The following NBPF14 variants were observed in gnomAD, a reference collection of about 807,000 sequenced individuals.
NBPF14 encodes NBPF family member NBPF14.
Under a neutral mutation model 91.2 loss-of-function variants are expected in NBPF14, and 104 were observed. That is an observed-to-expected ratio of 1.14 (90% CI 0.97 to 1.34). The LOEUF (loss-of-function observed/expected upper bound fraction) is 1.34. Among genes scored for constraint, NBPF14 ranks in the 40% most tolerant of loss-of-function variants. The pLI is 0.00. For missense variants in NBPF14, 908 were observed against 783.0 expected, an observed-to-expected ratio of 1.16 and a Z score of -1.91; for synonymous variants, 294 against 303.8, an observed-to-expected ratio of 0.97 and a Z score of 0.34.
At chr1:148,559,353 A>G (rs1445674981) in intron 37 of NBPF14, among the ~76,000 whole-genome samples, 1 of 129,698 alleles carries the variant, frequency 7.7e-6, no homozygotes, top group Non-Finnish European at 1.5e-5. Context: ...TTTCCAATCG[A>G]TTTAAAGCAA....
chr1:148,533,470 CAG>C, intron 70 of NBPF14, among the ~76,000 whole-genome samples: 1 of 151,338 alleles, frequency 6.6e-6, no homozygotes, highest in East Asian at 1.9e-4. Flanking sequence ...GAGACAGAGA[CAG>C]AGAGAAAGTG....
chr1:148,577,677 A>G lies in NBPF14; in HGVS notation c.1853+306T>C, dbSNP rs1380306378. ...TTTGTGCTCTCAGGACACACAGTGA[A>G]CAGTGATCATGAAAAGCATGTCCTC... On this transcript the variant is annotated intron_variant, in intron 14 of 70. Coordinates refer to ENST00000619423, the Ensembl canonical transcript of NBPF14. Among the ~76,000 whole-genome samples, 54 of 148,400 alleles carry G rather than the reference A, an allele frequency of 3.6e-4. 3 individuals are homozygous for G. In the East Asian group the frequency reaches 6.3e-3, roughly 17 times the overall value.
Position 148,534,834 on chromosome 1 carries a change from C to G in NBPF14, c.8464G>C (p.Glu2822Gln), listed in dbSNP as rs1352764137. 8 of 1,086,862 alleles carry G rather than the reference C, an allele frequency of 7.4e-6. 1 individual carries two copies. Among genetic ancestry groups the G allele is most frequent in the Admixed American group, 5.2e-5 (3 of 57,768 alleles). The allele number at this position is 1,086,862 out of a possible 1,614,324, so 67.3% of individuals were successfully genotyped here. The change falls in exon 69 of 71, where the codon GAG becomes CAG. Residue 2822 changes from glutamate to glutamine, a missense_variant. Glu to Gln is a conservative substitution (Grantham distance 29, BLOSUM62 2). Around this residue, in one of 13 missense-constraint regions of NBPF14, gnomAD observed 279 missense variants for 107.7 expected, o/e 2.59. Coordinates refer to ENST00000619423, the Ensembl canonical transcript of NBPF14. ...TCCTGCAAGACTTCAGGATCTTTCT[C>G]ATCCAGCAGCTCCCTGCTGAGCCTG...
At chr1:148,534,560 C>G (rs1475964045) in intron 69 of NBPF14, 124 bp downstream of exon 69, 4 of 739,222 alleles carry the variant, frequency 5.4e-6, no homozygotes, top group South Asian at 2.8e-5. Flanking sequence ...AACCTATATG[C>G]GCCCATAGGT....
At chr1:148,539,267 T>A (rs1213557108) in intron 63 of NBPF14, 143 bp downstream of exon 63, 3 of 623,838 alleles carry the variant, frequency 4.8e-6, no homozygotes, top group Non-Finnish European at 8.5e-6. Flanking sequence ...GAGACTACAG[T>A]TTCTTTACAA....
chr1:148,594,956 A>G (rs1190458509), intron 2 of NBPF14, among the ~76,000 whole-genome samples: 1 of 122,066 alleles, frequency 8.2e-6, no homozygotes, highest in African/African-American at 3.6e-5. Flanking sequence ...TCAGCCTCCC[A>G]AAGTGCTGAG....
At position 148,587,076 on chromosome 1, in the gene NBPF14, A is replaced by C. The variant is rs1174172606; in HGVS notation, c.1091+225T>G. On this transcript the variant is annotated intron_variant, in intron 8 of 70. Coordinates refer to ENST00000619423, the Ensembl canonical transcript of NBPF14. ...TTGTGTTATGTAAATTTCACATCAAAAATTACTTGTTTGAAAAAGAGAAAA... is the reference window on the plus strand; with the variant it reads ...TTGTGTTATGTAAATTTCACATCAACAATTACTTGTTTGAAAAAGAGAAAA... Among the ~76,000 whole-genome samples, 261 of 148,018 alleles carry C rather than the reference A, an allele frequency of 1.8e-3. 7 individuals are homozygous for C. Among genetic ancestry groups the C allele is most frequent in the African/African-American group, 4.3e-3 (175 of 40,794 alleles).
intron 17 of NBPF14, 139 bp downstream of exon 17, chr1:148,575,500 A>T: frequency 1.8e-5 from 1 of 54,718 alleles, no homozygotes; most frequent in South Asian, 1.2e-4. Flanking sequence ...CTACAGTTTC[A>T]TTACAACCTA....
In NBPF14 at chr1:148,590,251, G is replaced by T. The variant is rs1458560116; in HGVS notation, c.778+506C>A. ...TTTTTGTATTTTTAGTAAAGATGGG[G>T]TTTCACCGTGTTAGCCAGGATGGTC... On this transcript the variant is annotated intron_variant, in intron 6 of 70. Transcript: ENST00000619423. Among the ~76,000 whole-genome samples the T allele has an allele frequency of 2.9e-5, 4 of 139,698 alleles. No homozygotes were observed. The East Asian group carries it at 6.0e-4, about 21-fold the overall frequency. The allele number at this position is 139,698 out of a possible 152,430, so 91.6% of individuals were successfully genotyped here.
At chr1:148,578,854 T>C (rs1490676289) in intron 13 of NBPF14, among the ~76,000 whole-genome samples, 1,749 of 133,640 alleles carry the variant, frequency 0.013, 13 homozygotes, top group Non-Finnish European at 0.016. Context: ...CAGGTTGGCA[T>C]GGGCATGGCC....
chr1:148,587,217 A>T (rs1661691013), intron 8 of NBPF14, 84 bp downstream of exon 8: 1 of 1,201,476 alleles, frequency 8.3e-7, no homozygotes, highest in East Asian at 2.3e-5. Flanking sequence ...GGCCCAGCTG[A>T]GCTCTTACGT....
chr1:148,575,757 C>T (rs1659581112), exon 17 of NBPF14: 1 of 286,996 alleles, frequency 3.5e-6, no homozygotes, highest in Admixed American at 6.5e-5. Flanking sequence ...AACATCTATC[C>T]AGTGAGTCCT....
intron 6 of NBPF14, among the ~76,000 whole-genome samples, chr1:148,589,863 T>C (rs1662162033): frequency 6.8e-6 from 1 of 147,470 alleles, no homozygotes; most frequent in Non-Finnish European, 1.5e-5. Flanking sequence ...CTGCCAAGCA[T>C]CTGGGATTAC....
chr1:148,559,345 T>C (rs1657183158), intron 37 of NBPF14, among the ~76,000 whole-genome samples: 1 of 128,732 alleles, frequency 7.8e-6, no homozygotes, highest in African/African-American at 3.9e-5. Context: ...GCCATATTTT[T>C]CCAATCGATT....
Position 148,533,989 on chromosome 1 carries a change from G to A in NBPF14, c.8615-20C>T, listed in dbSNP as rs1553331930. ...CAATTTCTGCAATAAATTCAGACAT[G>A]GACAGACACATTAAGCTGATTCCCC... On this transcript the variant is annotated intron_variant, in intron 69 of 70. Transcript: ENST00000619423. 3 of 696,428 alleles carry A rather than the reference G, an allele frequency of 4.3e-6. No individual in the cohort carries two copies. The highest frequency in any genetic ancestry group is 2.6e-5 in the East Asian group (1 of 37,894). The allele number at this position is 696,428 out of a possible 1,614,324, so 43.1% of individuals were successfully genotyped here.
rs1340894041 is a variant in NBPF14 at position 148,572,355 on chromosome 1, G to C, written c.2758+88C>G. 9.5e-6 allele frequency: 3 copies of C among 316,726 alleles called. No individual in the cohort carries two copies. In the East Asian group the frequency reaches 1.6e-4, roughly 17 times the overall value. The allele number at this position is 316,726 out of a possible 1,614,324, so 19.6% of individuals were successfully genotyped here. On this transcript the variant is annotated intron_variant, in intron 21 of 70. Coordinates refer to ENST00000619423, the Ensembl canonical transcript of NBPF14. ...CCTGCCTGCGGCAATGACGTCTCTCGGGTCAGTAAGGGGCACTTGGAACAG... is the reference window on the plus strand; with the variant it reads ...CCTGCCTGCGGCAATGACGTCTCTCCGGTCAGTAAGGGGCACTTGGAACAG...
chr1:148,535,162 C>T (rs1165136500), intron 68 of NBPF14, among the ~76,000 whole-genome samples: 1 of 149,388 alleles, frequency 6.7e-6, no homozygotes, highest in African/African-American at 2.5e-5. Context: ...ACACAGCGAA[C>T]AGTGATCATG....
intron 16 of NBPF14, 32 bp from the exon 17 acceptor site, chr1:148,575,843 C>T: frequency 3.2e-6 from 1 of 313,930 alleles, no homozygotes; most frequent in South Asian, 2.3e-5. Context: ...AAGAATAAGC[C>T]AGGGGGAATC....
Position 148,580,862 on chromosome 1 carries a change from A to T in NBPF14, c.1638-1625T>A, listed in dbSNP as rs1281742642. 1.7e-3 allele frequency among the ~76,000 whole-genome samples: 184 copies of T among 108,730 alleles called. 14 individuals are homozygous for T. The highest frequency in any genetic ancestry group is 0.012 in the East Asian group (55 of 4,404). 71.3% of individuals were successfully genotyped at this position (108,730 alleles called of 152,430 possible). ...TTTTTGTGTGTATGTATATATATAT[A>T]TTTTTTTTTTAATACTTTAAGTCTT... On this transcript the variant is annotated intron_variant, in intron 12 of 70. Transcript: ENST00000619423.
Sources: gnomAD v4.1 joint callset for allele counts (sites outside exome capture counted in the v4.1 genomes callset) on GRCh38, gnomAD v4.1.1 for gene constraint, gnomAD v4.1.1 regional missense constraint, MANE v1.5 for transcripts, NCBI Gene and HGNC (gene_info 2026-07-23, HGNC 2026-07-21) for gene names.